Variants in TMTC2 observed in about 807,000 individuals in gnomAD.
TMTC2 encodes transmembrane O-mannosyltransferase targeting cadherins 2.
In TMTC2, 43 loss-of-function variants were observed where a neutral mutation model predicts 82.4. The ratio of observed to expected loss-of-function variants is 0.52; its 90% CI spans 0.41 to 0.67. The LOEUF (loss-of-function observed/expected upper bound fraction) is 0.67, where lower values mean the gene tolerates loss of function less well. Among genes scored for constraint, TMTC2 ranks in the 30% least tolerant of loss-of-function variants. TMTC2 has a pLI of 0.00. For synonymous variants in TMTC2, 408 were observed against 381.9 expected, an observed-to-expected ratio of 1.07 and a Z score of -0.80; for missense variants, 919 against 1,012.4, an observed-to-expected ratio of 0.91 and a Z score of 1.25.
chr12:82,724,868 G>A (rs1874376381), intron 1 of TMTC2, among the ~76,000 whole-genome samples: 1 of 152,054 alleles, frequency 6.6e-6, no homozygotes, highest in Non-Finnish European at 1.5e-5. Context: ...CATGACCTTG[G>A]TGACAATTTT....
At position 83,124,926 on chromosome 12, in the gene TMTC2, A is replaced by G. The variant is rs142585411; in HGVS notation, c.2332-7284A>G. Among the ~76,000 whole-genome samples the G allele has an allele frequency of 4.8e-3, 731 of 152,322 alleles. 4 individuals carry two copies. Among genetic ancestry groups the G allele is most frequent in the African/African-American group, 0.017 (704 of 41,582 alleles). On this transcript the variant is annotated intron_variant, in intron 11 of 11. Transcript: ENST00000321196. ...AGGTTAAGGAGTGGGATGAGATGCT[A>G]AATTTACATGATGCCAGTAGAAATG...
intron 1 of TMTC2, among the ~76,000 whole-genome samples, chr12:82,787,077 G>T (rs547767244): frequency 6.6e-6 from 1 of 152,096 alleles, no homozygotes; most frequent in East Asian, 1.9e-4. Flanking sequence ...TTTCGTTGGG[G>T]GCTAGGGTTA....
intron 1 of TMTC2, among the ~76,000 whole-genome samples, chr12:82,728,223 G>A (rs1182169092): frequency 6.6e-6 from 1 of 151,768 alleles, no homozygotes; most frequent in Non-Finnish European, 1.5e-5. Context: ...TGAGAGCTTA[G>A]GTAATAGAGA....
chr12:82,917,118 A>G (rs1490598033), intron 3 of TMTC2, among the ~76,000 whole-genome samples: 2 of 152,198 alleles, frequency 1.3e-5, no homozygotes, highest in African/African-American at 4.8e-5. Context: ...TGCTCAGTCT[A>G]CAAGTGTTGA....
intron 4 of TMTC2, among the ~76,000 whole-genome samples, chr12:82,933,589 T>C (rs1206226985): frequency 6.6e-6 from 1 of 152,168 alleles, no homozygotes; most frequent in East Asian, 1.9e-4. Flanking sequence ...TAGCATGCAT[T>C]AATCACTTGT....
At chr12:82,732,683 G>C (rs1565726764) in intron 1 of TMTC2, among the ~76,000 whole-genome samples, 1 of 152,140 alleles carries the variant, frequency 6.6e-6, no homozygotes, top group East Asian at 1.9e-4. Context: ...GACTGAATAT[G>C]GTAGCTATAG....
At chr12:83,094,629 C>T (rs1883961975) in intron 11 of TMTC2, among the ~76,000 whole-genome samples, 1 of 152,044 alleles carries the variant, frequency 6.6e-6, no homozygotes, top group African/African-American at 2.4e-5. Flanking sequence ...TGAAAAAAGA[C>T]TTGAACTAGG....
chr12:83,081,488 T>C (rs1883466385), intron 11 of TMTC2, among the ~76,000 whole-genome samples: 1 of 152,184 alleles, frequency 6.6e-6, no homozygotes, highest in Non-Finnish European at 1.5e-5. Context: ...ATCCTTTTTA[T>C]TACCAAATAA....
chr12:82,834,937 G>T (rs1273607225), intron 1 of TMTC2, among the ~76,000 whole-genome samples: 1 of 151,768 alleles, frequency 6.6e-6, no homozygotes, highest in African/African-American at 2.4e-5. Context: ...GAGTGCGGTG[G>T]TGCTATCTCG....
At chr12:83,024,071 A>C (rs1881056017) in intron 8 of TMTC2, among the ~76,000 whole-genome samples, 1 of 152,220 alleles carries the variant, frequency 6.6e-6, no homozygotes, top group African/African-American at 2.4e-5. Context: ...TGTATTGTAT[A>C]GTTCAGAAGA....
At chr12:82,747,062 C>T (rs1384126354) in intron 1 of TMTC2, among the ~76,000 whole-genome samples, 1 of 152,174 alleles carries the variant, frequency 6.6e-6, no homozygotes, top group Non-Finnish European at 1.5e-5. Flanking sequence ...AGAGAACCCA[C>T]CTGAGTTATT....
At chr12:83,061,643 T>C (rs1882744834) in intron 10 of TMTC2, 125 bp from the exon 11 acceptor site, 2 of 689,272 alleles carry the variant, frequency 2.9e-6, no homozygotes, top group African/African-American at 3.8e-5. Context: ...CTTTTTCTGC[T>C]TGGGCAATTT....
At chr12:83,033,809 T>C (rs900790713) in intron 9 of TMTC2, among the ~76,000 whole-genome samples, 12 of 81,826 alleles carry the variant, frequency 1.5e-4, no homozygotes, top group Non-Finnish European at 2.4e-4. Flanking sequence ...TATACACATA[T>C]ATGTGTGTGT....
chr12:82,833,378 A>G (rs776176650), intron 1 of TMTC2, among the ~76,000 whole-genome samples: 60 of 152,236 alleles, frequency 3.9e-4, no homozygotes, highest in Non-Finnish European at 7.5e-4. Context: ...TTGTGAGGCT[A>G]CAAAGAAGTA....
intron 1 of TMTC2, among the ~76,000 whole-genome samples, chr12:82,712,289 G>T (rs539251030): frequency 6.6e-6 from 1 of 152,264 alleles, no homozygotes; most frequent in African/African-American, 2.4e-5. Context: ...AATTAGCTGG[G>T]CGTGGTGGCA....
At chr12:83,019,412 G>C (rs961898241) in intron 8 of TMTC2, among the ~76,000 whole-genome samples, 1 of 152,082 alleles carries the variant, frequency 6.6e-6, no homozygotes, top group Non-Finnish European at 1.5e-5. Flanking sequence ...CAGTGATCAT[G>C]TTATGAAATC....
intron 1 of TMTC2, among the ~76,000 whole-genome samples, chr12:82,763,547 T>G (rs1405374244): frequency 6.6e-6 from 1 of 152,184 alleles, no homozygotes; most frequent in African/African-American, 2.4e-5. Flanking sequence ...GTAAATAAAC[T>G]GAAGAACTTG....
intron 3 of TMTC2, among the ~76,000 whole-genome samples, chr12:82,925,154 A>G (rs1875626557): frequency 6.6e-6 from 1 of 152,158 alleles, no homozygotes; most frequent in Admixed American, 6.5e-5. Flanking sequence ...TGATATCCAT[A>G]CCTAAATTAT....
chr12:82,880,588 C>A (rs566639295), intron 2 of TMTC2, among the ~76,000 whole-genome samples: 1 of 152,270 alleles, frequency 6.6e-6, no homozygotes, highest in South Asian at 2.1e-4. Context: ...TTTGCTTAAT[C>A]CGAATTTACT....
Sources: gnomAD v4.1 joint callset for allele counts (sites outside exome capture counted in the v4.1 genomes callset) on GRCh38, gnomAD v4.1.1 for gene constraint, MANE v1.5 for transcripts, NCBI Gene and HGNC (gene_info 2026-07-23, HGNC 2026-07-21) for gene names.